Variants in COL23A1 observed in about 807,000 individuals in gnomAD.
COL23A1 encodes collagen type XXIII alpha 1 chain, also known as collagen alpha-1(XXIII) chain.
A neutral mutation model predicts 99.3 loss-of-function variants in COL23A1; 97 were observed. The observed-to-expected ratio is 0.98, with a 90% CI of 0.83 to 1.16. The LOEUF (loss-of-function observed/expected upper bound fraction) is 1.16. Among genes scored for constraint, COL23A1 ranks in the 50% most tolerant of loss-of-function variants. The probability of loss-of-function intolerance (pLI) is 0.00; values close to 1 mark genes in which losing one functional copy is unlikely to be tolerated. For synonymous variants in COL23A1, 320 were observed against 308.2 expected, an observed-to-expected ratio of 1.04 and a Z score of -0.40; for missense variants, 762 against 757.4, an observed-to-expected ratio of 1.01 and a Z score of -0.07.
At position 178,397,985 on chromosome 5, in the gene COL23A1, CA is replaced by C. The variant is rs972050110; in HGVS notation, c.362-91067del. On this transcript the variant is annotated intron_variant, in intron 2 of 28. Transcript: ENST00000390654. The stretch of plus-strand genomic sequence containing the variant: ...CTGGTGACAGAGTGAGACTTCATGT[CA>C]AAAAAAAAAAAGTTGCAGAATTTCA... Among the ~76,000 whole-genome samples the C allele has an allele frequency of 6.3e-3, 891 of 141,724 alleles. 8 individuals carry two copies. The highest frequency in any genetic ancestry group is 0.019 in the African/African-American group (746 of 38,718). 93.0% of individuals were successfully genotyped at this position (141,724 alleles called of 152,430 possible). A position where few individuals can be genotyped will look rare whatever the true frequency, so the allele number is the denominator to read the frequency against.
intron 2 of COL23A1, among the ~76,000 whole-genome samples, chr5:178,554,444 G>T (rs1248604496): frequency 1.3e-5 from 2 of 152,158 alleles, no homozygotes; most frequent in Non-Finnish European, 1.5e-5. Flanking sequence ...CTCCCAAAGT[G>T]CTGGAATTAC....
At chr5:178,576,680 C>T (rs1009316599) in intron 1 of COL23A1, among the ~76,000 whole-genome samples, 3 of 152,100 alleles carry the variant, frequency 2.0e-5, no homozygotes, top group Non-Finnish European at 4.4e-5. Flanking sequence ...TCCTGATCCT[C>T]GAACTCTCTC....
rs1211062123 is a variant in COL23A1, at chr5:178,307,690, C to T, written c.362-771G>A. Among the ~76,000 whole-genome samples, 1 of 152,272 alleles carries T rather than the reference C, an allele frequency of 6.6e-6. No homozygotes were observed. Among genetic ancestry groups the T allele is most frequent in the African/African-American group, 2.4e-5 (1 of 41,474 alleles). On this transcript the variant is annotated intron_variant, in intron 2 of 28. Coordinates refer to ENST00000390654, the MANE Select transcript of COL23A1 (RefSeq NM_173465.4). The surrounding 1 kb of genome is among the most constrained non-coding windows in gnomAD (Gnocchi z 4.2). ...GCAGAGGTCTGAGGCCTCCCTCTCC[C>T]TCCCCTCACCTCTGTGGCGCTCACT...
At chr5:178,486,569 T>C (rs935002305) in intron 2 of COL23A1, among the ~76,000 whole-genome samples, 10 of 151,552 alleles carry the variant, frequency 6.6e-5, no homozygotes, top group African/African-American at 2.2e-4. Flanking sequence ...AATTGGCAAA[T>C]TCCAAGAGGC....
intron 2 of COL23A1, among the ~76,000 whole-genome samples, chr5:178,400,571 C>T (rs900586410): frequency 1.3e-5 from 2 of 152,020 alleles, no homozygotes; most frequent in African/African-American, 4.8e-5. Flanking sequence ...ACCATTTTAA[C>T]CATTTTTAAG....
rs561286392 is a variant in COL23A1, at chr5:178,546,912, G to C, written c.361+13770C>G. Among the ~76,000 whole-genome samples, 561 of 152,284 alleles carry C rather than the reference G, an allele frequency of 3.7e-3. 6 individuals carry two copies. The highest frequency in any genetic ancestry group is 0.012 in the African/African-American group (511 of 41,558). ...CTGTGGGGCAGCACAAGGGGCCTGT[G>C]TGAGGCCCCTGGAGGAACACGGAGG... On this transcript the variant is annotated intron_variant, in intron 2 of 28. Coordinates refer to ENST00000390654, the MANE Select transcript of COL23A1 (RefSeq NM_173465.4).
intron 22 of COL23A1, 70 bp downstream of exon 22, chr5:178,247,456 A>G (rs1005727095): frequency 6.3e-6 from 10 of 1,577,644 alleles, no homozygotes; most frequent in Non-Finnish European, 8.7e-6. Context: ...TGCTTTGCCC[A>G]TTGGCAAGGC....
chr5:178,267,358 C>T, intron 7 of COL23A1, 25 bp from the exon 8 acceptor site: 1 of 1,612,718 alleles, frequency 6.2e-7, no homozygotes, highest in African/African-American at 1.3e-5. Context: ...CAGGGAGAGG[C>T]ATCACCACTG....
intron 5 of COL23A1, among the ~76,000 whole-genome samples, chr5:178,270,831 G>C (rs1237394521): frequency 2.0e-5 from 3 of 152,214 alleles, no homozygotes; most frequent in Non-Finnish European, 4.4e-5. Flanking sequence ...GCAGAGCTGA[G>C]AGACAGAGAG....
intron 1 of COL23A1, among the ~76,000 whole-genome samples, chr5:178,585,507 ACACTCCACGTCCC>A (rs1763911837): frequency 1.4e-5 from 2 of 146,344 alleles, no homozygotes; most frequent in African/African-American, 2.6e-5. Flanking sequence ...CGCTGGAGTA[ACACTCCACGTCCC>A]TGGATGACGC....
chr5:178,432,862 T>G (rs1766339837), intron 2 of COL23A1, among the ~76,000 whole-genome samples: 1 of 152,004 alleles, frequency 6.6e-6, no homozygotes, highest in Admixed American at 6.5e-5. Flanking sequence ...TGCTGACCTG[T>G]TTGGTCCTTA....
At chr5:178,551,855 A>G (rs1353763761) in intron 2 of COL23A1, among the ~76,000 whole-genome samples, 2 of 151,876 alleles carry the variant, frequency 1.3e-5, no homozygotes, top group Non-Finnish European at 2.9e-5. Context: ...CCACTCAGAC[A>G]CCATCAACTG....
At chr5:178,516,875 G>A (rs1336331145) in intron 2 of COL23A1, among the ~76,000 whole-genome samples, 3 of 152,208 alleles carry the variant, frequency 2.0e-5, no homozygotes, top group African/African-American at 7.2e-5. Context: ...ATAAGAGGAG[G>A]AGGGTACATT....
rs1364561458 is a variant in COL23A1, at chr5:178,344,934, G to C, written c.362-38015C>G. The stretch of plus-strand genomic sequence containing the variant: ...CGTAGAGAATTTGGGTCTCGATCCA[G>C]AAAAGAGAAAGTGCCAGTGGTTGCT... On this transcript the variant is annotated intron_variant, in intron 2 of 28. Coordinates refer to ENST00000390654, the MANE Select transcript of COL23A1 (RefSeq NM_173465.4). 4.5e-6 allele frequency: 3 copies of C among 667,244 alleles called. No homozygotes were observed. In the African/African-American group the frequency reaches 5.4e-5, roughly 12 times the overall value. 41.3% of individuals were successfully genotyped at this position (667,244 alleles called of 1,614,324 possible).
At chr5:178,412,412 G>A (rs542830875) in intron 2 of COL23A1, among the ~76,000 whole-genome samples, 2 of 152,198 alleles carry the variant, frequency 1.3e-5, no homozygotes, top group South Asian at 4.2e-4. Context: ...TTTCCATCCT[G>A]GCTAATTTTC....
intron 12 of COL23A1, 98 bp downstream of exon 12, chr5:178,259,623 C>A: frequency 8.5e-7 from 1 of 1,178,060 alleles, no homozygotes; most frequent in Non-Finnish European, 1.2e-6. Context: ...CCAGCCCATC[C>A]CGTCCCCATC....
chr5:178,441,822 T>G lies in COL23A1; in HGVS notation c.361+118860A>C, dbSNP rs529284775. 2.0e-4 allele frequency among the ~76,000 whole-genome samples: 30 copies of G among 152,154 alleles called. No individual in the cohort carries two copies. The South Asian group carries it at 5.2e-3, about 26-fold the overall frequency. ...ACATTCTGTGCCATTTGCCCAGATC[T>G]CAGAATCCCACCAACCCCAACCTGA... On this transcript the variant is annotated intron_variant, in intron 2 of 28. Coordinates refer to ENST00000390654, the MANE Select transcript of COL23A1 (RefSeq NM_173465.4).
chr5:178,554,184 T>C (rs1408215804), intron 2 of COL23A1, among the ~76,000 whole-genome samples: 3 of 151,862 alleles, frequency 2.0e-5, no homozygotes, highest in Non-Finnish European at 4.4e-5. Flanking sequence ...CTTTCTTCTT[T>C]TTTTTTTTCT....
At chr5:178,356,868 C>T (rs1281798777) in intron 2 of COL23A1, among the ~76,000 whole-genome samples, 2 of 152,110 alleles carry the variant, frequency 1.3e-5, no homozygotes, top group Non-Finnish European at 2.9e-5. Flanking sequence ...CACTGCAACC[C>T]CCTGGGGTCT....
Sources: allele counts gnomAD v4.1 joint callset (sites outside exome capture counted in the v4.1 genomes callset), GRCh38; gene constraint gnomAD v4.1.1; non-coding constraint Gnocchi (gnomAD v3.1); transcripts MANE v1.5; gene names NCBI Gene and HGNC (gene_info 2026-07-23, HGNC 2026-07-21).